Variants in AUTS2 observed in about 807,000 individuals in gnomAD.
The protein encoded by AUTS2 is activator of transcription and developmental regulator AUTS2.
Under a neutral mutation model 112.4 loss-of-function variants are expected in AUTS2, and 17 were observed. The ratio of observed to expected loss-of-function variants is 0.15; its 90% CI spans 0.10 to 0.23. The LOEUF is 0.23. AUTS2 is among the 10% of genes least tolerant of loss of function. AUTS2 has a pLI of 1.00. For missense variants in AUTS2, 1,510 were observed against 1,701.6 expected (o/e 0.89, Z 1.98); for synonymous variants, 751 against 702.7 (o/e 1.07, Z -1.09).
At chr7:69,607,057 T>A (rs944043326) in intron 1 of AUTS2, among the ~76,000 whole-genome samples, 1 of 152,220 alleles carries the variant, frequency 6.6e-6, no homozygotes, top group Admixed American at 6.5e-5. Flanking sequence ...TAGGCCCTTT[T>A]TATGCTATTA....
At chr7:69,682,670 C>T (rs1350616720) in intron 1 of AUTS2, among the ~76,000 whole-genome samples, 1 of 152,320 alleles carries the variant, frequency 6.6e-6, no homozygotes, top group Non-Finnish European at 1.5e-5. Context: ...GCCTTCTGGT[C>T]GGTAGCAGCA....
At chr7:70,255,963 T>TTA (rs1330927652) in intron 4 of AUTS2, among the ~76,000 whole-genome samples, 1 of 152,200 alleles carries the variant, frequency 6.6e-6, no homozygotes, top group East Asian at 1.9e-4. Context: ...GCTGAAAACT[T>TTA]TAATAGACTT....
intron 2 of AUTS2, among the ~76,000 whole-genome samples, chr7:70,035,650 G>A (rs1018360977): frequency 6.6e-6 from 1 of 152,138 alleles, no homozygotes; most frequent in Admixed American, 6.5e-5. Context: ...TGAGACCTTA[G>A]GTCACTGGTG....
chr7:70,314,513 T>C (rs1434197333), intron 4 of AUTS2, among the ~76,000 whole-genome samples: 3 of 152,246 alleles, frequency 2.0e-5, no homozygotes, highest in South Asian at 2.1e-4. Context: ...TCTACACCAG[T>C]TGCATCTGAT....
At chr7:69,939,517 CTTT>C (rs1352508943) in intron 2 of AUTS2, among the ~76,000 whole-genome samples, 1 of 152,152 alleles carries the variant, frequency 6.6e-6, no homozygotes, top group Admixed American at 6.5e-5. Flanking sequence ...ATACCTTTTG[CTTT>C]CATGAAACAC....
chr7:70,024,911 A>G (rs746553292), intron 2 of AUTS2, among the ~76,000 whole-genome samples: 2 of 152,214 alleles, frequency 1.3e-5, no homozygotes, highest in Non-Finnish European at 2.9e-5. Context: ...TCTAGAAAAT[A>G]CCTTTATGGA....
chr7:70,349,262 G>C (rs372979541), intron 4 of AUTS2, among the ~76,000 whole-genome samples: 1 of 152,180 alleles, frequency 6.6e-6, no homozygotes, highest in South Asian at 2.1e-4. Flanking sequence ...CAGCCTGTGG[G>C]CTTAGTGATT....
chr7:69,897,709 G>A, intron 1 of AUTS2, among the ~76,000 whole-genome samples: 1 of 152,132 alleles, frequency 6.6e-6, no homozygotes. Context: ...GTGAGCCAAG[G>A]TCGTGCTGTT....
chr7:70,033,046 A>G (rs1800850821), intron 2 of AUTS2, among the ~76,000 whole-genome samples: 1 of 152,154 alleles, frequency 6.6e-6, no homozygotes, highest in African/African-American at 2.4e-5. Flanking sequence ...CATGAGAGGG[A>G]TAGGGAGTAA....
chr7:70,742,911 G>A (rs966878585), intron 6 of AUTS2, among the ~76,000 whole-genome samples: 5 of 152,206 alleles, frequency 3.3e-5, no homozygotes, highest in African/African-American at 1.2e-4. Flanking sequence ...CTCTTTTTCA[G>A]ATGAAGAAAC....
At chr7:70,111,784 C>G (rs1177475825) in intron 2 of AUTS2, among the ~76,000 whole-genome samples, 3 of 152,024 alleles carry the variant, frequency 2.0e-5, no homozygotes, top group Non-Finnish European at 4.4e-5. Context: ...AAACTTTAGA[C>G]TGCTTAATTA....
At position 69,830,987 on chromosome 7, in the gene AUTS2, C is replaced by A. The variant is rs80302004; in HGVS notation, c.310-68299C>A. ...CCTTCAGAGGTAGAGAGCCAGGAGA[C>A]CTTTATAGTAGTGAAAGGACAGGAA... is the stretch of plus-strand genomic sequence containing the variant. On this transcript the variant is annotated intron_variant, in intron 1 of 18. Coordinates refer to ENST00000342771, the MANE Select transcript of AUTS2 (RefSeq NM_015570.4). 3.0e-3 allele frequency among the ~76,000 whole-genome samples: 462 copies of A among 152,208 alleles called. 3 individuals carry two copies. Among genetic ancestry groups the A allele is most frequent in the African/African-American group, 0.01 (433 of 41,546 alleles).
intron 2 of AUTS2, among the ~76,000 whole-genome samples, chr7:69,919,752 C>T (rs1211232971): frequency 1.3e-5 from 2 of 151,920 alleles, no homozygotes; most frequent in South Asian, 4.2e-4. Context: ...CTTAAAATTC[C>T]CTCTTCCTTA....
rs1583942896 is a variant in AUTS2, at chr7:69,614,370, T to TTCTTTCTTTTCTTTCTTTC, written c.309+14409_309+14410insCTTTCTTTTCTTTCTTTCT. Among the ~76,000 whole-genome samples, 5 of 28,504 alleles carry TTCTTTCTTTTCTTTCTTTC rather than the reference T, an allele frequency of 1.8e-4. 1 individual carries two copies. Among genetic ancestry groups the TTCTTTCTTTTCTTTCTTTC allele is most frequent in the Non-Finnish European group, 2.8e-4 (3 of 10,868 alleles). 18.7% of individuals were successfully genotyped at this position (28,504 alleles called of 152,430 possible). A position where few individuals can be genotyped will look rare whatever the true frequency, so the allele number is the denominator to read the frequency against. ...TTTCTTTCTTTCTTTCTTTCTTTTT[T>TTCTTTCTTTTCTTTCTTTC]TAAGAGATGGGATCTCACTCTGTTT... On this transcript the variant is annotated intron_variant, in intron 1 of 18. Coordinates refer to ENST00000342771, the MANE Select transcript of AUTS2 (RefSeq NM_015570.4).
rs542635390 is a variant in AUTS2 at position 70,107,984 on chromosome 7, C to T, written c.523-10148C>T. The stretch of plus-strand genomic sequence containing the variant: ...TGAGATTATGCCACTGCACTCCAGC[C>T]TGGGCGACAGAGCGAGACTCTGTCT... On this transcript the variant is annotated intron_variant, in intron 2 of 18. Transcript: ENST00000342771. 8.0e-5 allele frequency among the ~76,000 whole-genome samples: 12 copies of T among 150,834 alleles called. No individual in the cohort carries two copies. The South Asian group carries it at 2.5e-3, about 32-fold the overall frequency.
chr7:69,978,859 A>AACACACACACACACACACACACAC (rs71068004), intron 2 of AUTS2, among the ~76,000 whole-genome samples: 11 of 129,630 alleles, frequency 8.5e-5, no homozygotes, highest in South Asian at 2.8e-4. Context: ...TCAAAGAAAC[A>AACACACACACACACACACACACAC]ACACACACAC....
In AUTS2 at chr7:70,287,828, T is replaced by A. The variant is rs201226675; in HGVS notation, c.661-147924T>A. On this transcript the variant is annotated intron_variant, in intron 4 of 18. Coordinates refer to ENST00000342771, the MANE Select transcript of AUTS2 (RefSeq NM_015570.4). ...ATGTCTTCTCAAAAAAAAAAAAAAA[T>A]TTTTTTTTAGCTCACCAAAAAATGT... is the stretch of plus-strand genomic sequence containing the variant. 8.5e-3 allele frequency among the ~76,000 whole-genome samples: 1,259 copies of A among 148,096 alleles called. 27 individuals carry two copies. The highest frequency in any genetic ancestry group is 0.069 in the East Asian group (325 of 4,732).
intron 1 of AUTS2, among the ~76,000 whole-genome samples, chr7:69,886,269 T>G (rs1335895089): frequency 6.6e-6 from 1 of 152,214 alleles, no homozygotes; most frequent in Non-Finnish European, 1.5e-5. Flanking sequence ...CACTGCTCTG[T>G]AAGAGAAGGA....
intron 2 of AUTS2, among the ~76,000 whole-genome samples, chr7:70,018,899 T>G (rs911807578): frequency 2.6e-5 from 4 of 152,220 alleles, no homozygotes; most frequent in African/African-American, 7.2e-5. Context: ...AACTCAGCAG[T>G]TCCATTACTG....
Sources: allele counts gnomAD v4.1 joint callset (sites outside exome capture counted in the v4.1 genomes callset), GRCh38; gene constraint gnomAD v4.1.1; transcripts MANE v1.5; gene names NCBI Gene and HGNC (gene_info 2026-07-23, HGNC 2026-07-21).